The following NUDT3 variants were observed in gnomAD, a reference collection of about 807,000 sequenced individuals.
The protein encoded by NUDT3 is diphosphoinositol polyphosphate phosphohydrolase 1.
Under a neutral mutation model 23.6 loss-of-function variants are expected in NUDT3, and 9 were observed. The ratio of observed to expected loss-of-function variants is 0.38; its 90% CI spans 0.23 to 0.66. The LOEUF is 0.66. Ranked by LOEUF, NUDT3 falls within the 30% of genes least tolerant of loss-of-function variation. The pLI, the probability that NUDT3 is intolerant of heterozygous loss-of-function variation, is 0.52. For missense variants in NUDT3, 172 were observed against 218.5 expected, an observed-to-expected ratio of 0.79 and a Z score of 1.34; for synonymous variants, 86 against 82.6, an observed-to-expected ratio of 1.04 and a Z score of -0.22.
intron 2 of NUDT3, among the ~76,000 whole-genome samples, chr6:34,305,418 CCTT>C (rs908593829): frequency 2.0e-5 from 3 of 152,038 alleles, no homozygotes; most frequent in Non-Finnish European, 2.9e-5. Flanking sequence ...TGGTTATTTC[CCTT>C]TTTTGTTCTT....
chr6:34,382,853 C>T (rs771597943), intron 1 of NUDT3, among the ~76,000 whole-genome samples: 4 of 151,286 alleles, frequency 2.6e-5, no homozygotes, highest in Admixed American at 2.0e-4. Flanking sequence ...AAAGGCCGGG[C>T]GCGGTGGTTC....
intron 1 of NUDT3, among the ~76,000 whole-genome samples, chr6:34,358,442 T>C (rs537604040): frequency 2.6e-5 from 4 of 152,260 alleles, no homozygotes; most frequent in South Asian, 4.1e-4. Context: ...ACCTTATCTA[T>C]GTCTTAAGTT....
chr6:34,345,709 T>C (rs1266554482), intron 1 of NUDT3, among the ~76,000 whole-genome samples: 1 of 150,830 alleles, frequency 6.6e-6, no homozygotes, highest in East Asian at 1.9e-4. Context: ...TACTACTTTT[T>C]TCCCCCAGAG....
intron 1 of NUDT3, among the ~76,000 whole-genome samples, chr6:34,345,421 A>T (rs111671909): frequency 1.3e-5 from 2 of 150,992 alleles, no homozygotes; most frequent in Admixed American, 6.6e-5. Context: ...CCCAGCACTT[A>T]GGGAGGTCGA....
At chr6:34,323,122 A>C (rs1763971083) in intron 2 of NUDT3, among the ~76,000 whole-genome samples, 1 of 152,176 alleles carries the variant, frequency 6.6e-6, no homozygotes, top group African/African-American at 2.4e-5. Context: ...GGAAGTTGAA[A>C]AACAACCCAT....
chr6:34,365,465 G>A (rs1306244369), intron 1 of NUDT3, among the ~76,000 whole-genome samples: 1 of 152,014 alleles, frequency 6.6e-6, no homozygotes, highest in Admixed American at 6.6e-5. Flanking sequence ...AAAGTCCTGG[G>A]ATATTATTTA....
At chr6:34,323,127 A>G (rs925707373) in intron 2 of NUDT3, among the ~76,000 whole-genome samples, 1 of 152,158 alleles carries the variant, frequency 6.6e-6, no homozygotes, top group African/African-American at 2.4e-5. Context: ...TTGAAAAACA[A>G]CCCATCAGGT....
intron 2 of NUDT3, among the ~76,000 whole-genome samples, chr6:34,335,673 A>T (rs1181630062): frequency 3.3e-5 from 5 of 151,678 alleles, no homozygotes; most frequent in Admixed American, 6.6e-5. Context: ...ACTCTAAAAC[A>T]TCTTATTTCT....
chr6:34,304,948 A>ATTATT (rs1763656804), intron 2 of NUDT3, among the ~76,000 whole-genome samples: 1 of 144,872 alleles, frequency 6.9e-6, no homozygotes, highest in East Asian at 2.0e-4. Flanking sequence ...CTGGGATTAT[A>ATTATT]GGCATGAGCC....
chr6:34,309,413 G>GC (rs201685161), intron 2 of NUDT3, among the ~76,000 whole-genome samples: 14,543 of 151,790 alleles, frequency 0.096, 795 homozygotes, highest in Non-Finnish European at 0.12. Flanking sequence ...GAAAACTTTA[G>GC]GCTAAATGCA....
At chr6:34,324,321 C>T (rs1561907214) in intron 2 of NUDT3, among the ~76,000 whole-genome samples, 1 of 151,370 alleles carries the variant, frequency 6.6e-6, no homozygotes, top group Non-Finnish European at 1.5e-5. Context: ...CACCACTGCA[C>T]TCCAGCATGG....
chr6:34,374,140 G>C (rs1248742104), intron 1 of NUDT3, among the ~76,000 whole-genome samples: 1 of 91,002 alleles, frequency 1.1e-5, no homozygotes, highest in African/African-American at 4.4e-5. Flanking sequence ...CTGGGCGACA[G>C]AACAAGGCTC....
chr6:34,292,285 A>G (rs1228817898), intron 4 of NUDT3, among the ~76,000 whole-genome samples: 2 of 152,220 alleles, frequency 1.3e-5, no homozygotes, highest in East Asian at 1.9e-4. Flanking sequence ...CCAGAGTAAC[A>G]ATGTGAGGGG....
intron 1 of NUDT3, among the ~76,000 whole-genome samples, chr6:34,351,560 G>A (rs1232452641): frequency 6.7e-6 from 1 of 149,512 alleles, no homozygotes; most frequent in Non-Finnish European, 1.5e-5. Flanking sequence ...TGGCCAACAT[G>A]GTGAAACCCT....
chr6:34,391,407 T>C (rs1257309037), intron 1 of NUDT3, among the ~76,000 whole-genome samples: 6 of 152,206 alleles, frequency 3.9e-5, no homozygotes, highest in Non-Finnish European at 7.4e-5. Flanking sequence ...AACATGTGCT[T>C]CTCTGAATTC....
chr6:34,282,089 G>C lies in NUDT3; in HGVS notation c.*6664C>G, dbSNP rs1763286468. On this transcript the variant is annotated 3_prime_UTR_variant, in exon 5 of 5. Coordinates refer to ENST00000607016, the MANE Select transcript of NUDT3 (RefSeq NM_006703.4). Reference sequence around the variant, plus strand: ...TCAGCCTCTACCTTCCCTGGCATAAGTCATATCTGTTATGCTGCAGGAACT... The same window carrying C: ...TCAGCCTCTACCTTCCCTGGCATAACTCATATCTGTTATGCTGCAGGAACT... 6.6e-6 allele frequency: 1 copy of C among 152,298 alleles called. No homozygotes were observed. Among genetic ancestry groups the C allele is most frequent in the South Asian group, 2.1e-4 (1 of 4,826 alleles). The allele number at this position is 152,298 out of a possible 1,614,324, so 9.4% of individuals were successfully genotyped here. A position where few individuals can be genotyped will look rare whatever the true frequency, so the allele number is the denominator to read the frequency against.
chr6:34,361,622 C>T (rs185252487), intron 1 of NUDT3, among the ~76,000 whole-genome samples: 1 of 152,288 alleles, frequency 6.6e-6, no homozygotes, highest in East Asian at 1.9e-4. Context: ...TTGGAAGCAA[C>T]CATGACGTCC....
intron 2 of NUDT3, among the ~76,000 whole-genome samples, chr6:34,327,523 C>G (rs1223533242): frequency 7.2e-6 from 1 of 138,890 alleles, no homozygotes; most frequent in Non-Finnish European, 1.5e-5. Flanking sequence ...GGCGAGACTC[C>G]GCCTCAAAAA....
intron 1 of NUDT3, among the ~76,000 whole-genome samples, chr6:34,346,780 G>A (rs1042267517): frequency 2.0e-5 from 3 of 152,044 alleles, no homozygotes; most frequent in African/African-American, 7.2e-5. Context: ...TGTAGAGACA[G>A]GGTCTCATTC....
Sources: gnomAD v4.1 joint callset for allele counts (sites outside exome capture counted in the v4.1 genomes callset) on GRCh38, gnomAD v4.1.1 for gene constraint, MANE v1.5 for transcripts, NCBI Gene and HGNC (gene_info 2026-07-23, HGNC 2026-07-21) for gene names.